XKRX: variants seen among roughly 807,000 people sequenced by gnomAD.
XKRX encodes XK related X-linked, also known as XK-related protein 2.
Under a neutral mutation model 22.4 loss-of-function variants are expected in XKRX, and 11 were observed. That is an observed-to-expected ratio of 0.49 (90% CI 0.31 to 0.81). The LOEUF (loss-of-function observed/expected upper bound fraction) is 0.81, where lower values mean the gene tolerates loss of function less well. XKRX is among the 40% of genes least tolerant of loss of function. The pLI, the probability that XKRX is intolerant of heterozygous loss-of-function variation, is 0.05. For synonymous variants in XKRX, 114 were observed against 132.2 expected (o/e 0.86, Z 0.94); for missense variants, 320 against 336.5 (o/e 0.95, Z 0.38).
At position 100,928,694 on chromosome X, in the gene XKRX, G is replaced by GGGTGTAGC; in HGVS notation, c.-398_-391dup. 1 of 785,600 alleles carries GGGTGTAGC rather than the reference G, an allele frequency of 1.3e-6. No homozygotes were observed. Among genetic ancestry groups the GGGTGTAGC allele is most frequent in the Non-Finnish European group, 1.5e-6 (1 of 660,343 alleles). 64.7% of individuals were successfully genotyped at this position (785,600 alleles called of 1,213,427 possible). ...GGCTCCTTTCGCAGCCCCTCAGGCA[G>GGGTGTAGC]GGTGTAGCCGATCTGTCGGGGGCAC... On this transcript the variant is annotated 5_prime_UTR_variant, in exon 1 of 3. Transcript: ENST00000372956.
the XKRX span, chrX:100,957,488 G>A: frequency 2.5e-6 from 3 of 1,189,076 alleles, no homozygotes; most frequent in African/African-American, 5.3e-5. Flanking sequence ...AGGAAATAGA[G>A]ACGCATCTTC....
the XKRX span, among the ~76,000 whole-genome samples, chrX:100,906,780 T>C: frequency 3.6e-5 from 4 of 111,681 alleles, no homozygotes; most frequent in Non-Finnish European, 7.5e-5. Flanking sequence ...ATGTTCCTTT[T>C]GGAGGTTCTA....
Position 100,928,501 on chromosome X carries a change from G to GGAAA in XKRX, c.-201_-198dup. 9.3e-7 allele frequency: 1 copy of GGAAA among 1,079,564 alleles called. No homozygotes were observed. Among genetic ancestry groups the GGAAA allele is most frequent in the South Asian group, 2.9e-5 (1 of 34,847 alleles). The allele number at this position is 1,079,564 out of a possible 1,213,427, so 89.0% of individuals were successfully genotyped here. On this transcript the variant is annotated 5_prime_UTR_variant, in exon 1 of 3. The change abolishes the stop of an existing upstream ORF in the 5' untranslated region. Transcript: ENST00000372956. ...TCAGATTCGACTTGGAGTCTGGGAT[G>GGAAA]GAAAGCCCAGGAGTACCACTTTGAA...
At chrX:100,897,640 T>C in the XKRX span, among the ~76,000 whole-genome samples, 1 of 88,113 alleles carries the variant, frequency 1.1e-5, no homozygotes, top group Admixed American at 1.3e-4. Context: ...TGTGTGTGTG[T>C]TTCCTAGTTC....
At chrX:100,910,924 C>T (rs2085404865), downstream of XKRX, 3 of 573,901 alleles carry the variant, frequency 5.2e-6, no homozygotes, top group Non-Finnish European at 9.1e-6. Flanking sequence ...AAAAGAGAAA[C>T]ACCAAACACA....
Position 100,928,171 on chromosome X carries a change from CA to C in XKRX, c.133del (p.Cys45ValfsTer23). On this transcript the variant is annotated frameshift_variant, in exon 1 of 3. Transcript: ENST00000372956. LOFTEE classifies it high-confidence loss of function. ...GTACAAAGCAGATGCAGCCTCCCCA[CA>C]GTACAAAAAGGTGGAGAAAAGGATG... is the stretch of plus-strand genomic sequence containing the variant. Reference protein sequence around the residue: ...FSILFSTFLYCGEAASALYMV... With the variant: ...FSILFSTFLYXGEAASALYMV... 1 of 1,211,625 alleles carries C rather than the reference CA, an allele frequency of 8.3e-7. No homozygotes were observed. Among genetic ancestry groups the C allele is most frequent in the South Asian group, 1.8e-5 (1 of 56,932 alleles).
At chrX:100,940,857 T>C in the XKRX span, among the ~76,000 whole-genome samples, 1 of 111,733 alleles carries the variant, frequency 8.9e-6, no homozygotes, top group Non-Finnish European at 1.9e-5. Flanking sequence ...TAACTCCCAA[T>C]ATGAGTGCTC....
the XKRX span, among the ~76,000 whole-genome samples, chrX:100,950,459 C>T: frequency 8.9e-6 from 1 of 112,022 alleles, no homozygotes; most frequent in Admixed American, 9.5e-5. Flanking sequence ...AAACTTGTAA[C>T]ATTTCTCTCT....
Position 100,928,058 on chromosome X carries a change from A to C in XKRX, c.247T>G (p.Leu83Val). ...TCTCTGTGGACAAAAATGAGGGTCA[A>C]CTGGACCATAATGGATGAAAACATA... ...FFMFSSIMVQLTLIFVHRDLA... is the reference protein window; with the variant it reads ...FFMFSSIMVQVTLIFVHRDLA... Residue 83 changes from leucine (L) to valine (V), a missense_variant, in exon 1 of 3, where the codon TTG becomes GTG. Transcript: ENST00000372956. 5 of 1,211,501 alleles carry C rather than the reference A, an allele frequency of 4.1e-6. No individual in the cohort carries two copies. The highest frequency in any genetic ancestry group is 5.6e-6 in the Non-Finnish European group (5 of 895,450).
chrX:100,903,263 G>A, the XKRX span, among the ~76,000 whole-genome samples: 1 of 111,696 alleles, frequency 9.0e-6, no homozygotes, highest in African/African-American at 3.3e-5. Flanking sequence ...GAAATAAACT[G>A]TATATGGATT....
the XKRX span, among the ~76,000 whole-genome samples, chrX:100,945,693 A>T: frequency 3.7e-5 from 4 of 108,464 alleles, no homozygotes; most frequent in South Asian, 1.2e-3. Context: ...TAAAAAGGAG[A>T]TAAACAGGGA....
At chrX:100,918,777 TCTTCTTCCTTCTTCC>T (rs2085457576) in intron 2 of XKRX, among the ~76,000 whole-genome samples, 1 of 111,417 alleles carries the variant, frequency 9.0e-6, no homozygotes, top group Non-Finnish European at 1.9e-5. Flanking sequence ...TCTTCTTTCT[TCTTCTTCCTTCTTCC>T]CTTCTTCCTT....
the XKRX span, among the ~76,000 whole-genome samples, chrX:100,904,320 C>T: frequency 9.0e-6 from 1 of 111,461 alleles, no homozygotes; most frequent in Non-Finnish European, 1.9e-5. Flanking sequence ...AAAAAAAACA[C>T]CCAGACCTTA....
intron 2 of XKRX, among the ~76,000 whole-genome samples, chrX:100,921,991 G>A (rs2085475351): frequency 9.2e-6 from 1 of 108,138 alleles, no homozygotes; most frequent in African/African-American, 3.4e-5. Flanking sequence ...CTGCCACCAC[G>A]CCCGGCTAAT....
chrX:100,888,907 A>G, the XKRX span, among the ~76,000 whole-genome samples: 1 of 110,982 alleles, frequency 9.0e-6, no homozygotes, highest in African/African-American at 3.3e-5. Flanking sequence ...TATGTTGAAG[A>G]CATAACCTCT....
the XKRX span, among the ~76,000 whole-genome samples, chrX:100,951,803 G>C: frequency 9.0e-6 from 1 of 111,480 alleles, no homozygotes; most frequent in Non-Finnish European, 1.9e-5. Context: ...AGATTAAATA[G>C]ACCAATTTCT....
chrX:100,914,435 TCTA>T lies in XKRX; in HGVS notation c.1250_1252del (p.Val417del). 1 of 1,211,746 alleles carries T rather than the reference TCTA, an allele frequency of 8.3e-7. No individual in the cohort carries two copies. On this transcript the variant is annotated inframe_deletion, in exon 3 of 3. Coordinates refer to ENST00000372956, the MANE Select transcript of XKRX (RefSeq NM_212559.3). ...GTGACAGCAGACACAATGGAGGTAG[TCTA>T]CTACATTATGGGTGAAGAGTGAGCG... is the stretch of plus-strand genomic sequence containing the variant.
chrX:100,893,332 C>T, the XKRX span, among the ~76,000 whole-genome samples: 1 of 111,593 alleles, frequency 9.0e-6, no homozygotes, highest in Non-Finnish European at 1.9e-5. Flanking sequence ...GTTCTCACCA[C>T]ACAAAAATGG....
chrX:100,957,665 T>C, the XKRX span: 8 of 419,696 alleles, frequency 1.9e-5, no homozygotes, highest in African/African-American at 2.0e-4. Flanking sequence ...GACATTACTT[T>C]AGCAGTTCAA....
Sources: allele counts gnomAD v4.1 joint callset (sites outside exome capture counted in the v4.1 genomes callset), GRCh38; gene constraint gnomAD v4.1.1; transcripts MANE v1.5; gene names NCBI Gene and HGNC (gene_info 2026-07-23, HGNC 2026-07-21).